PTPRD: variants seen among roughly 807,000 people sequenced by gnomAD.
The protein encoded by PTPRD is protein tyrosine phosphatase receptor type D.
A neutral mutation model predicts 214.5 loss-of-function variants in PTPRD; 34 were observed. The observed-to-expected ratio is 0.16, with a 90% confidence interval of 0.12 to 0.21. The LOEUF (loss-of-function observed/expected upper bound fraction) is 0.21. Ranked by LOEUF, PTPRD falls within the 10% of genes least tolerant of loss-of-function variation. The pLI is 1.00. For synonymous variants in PTPRD, 1,128 were observed against 845.7 expected (o/e 1.33, Z -5.79); for missense variants, 2,545 against 2,398.7 (o/e 1.06, Z -1.27).
chr9:10,024,361 T>G (rs1342581990), intron 4 of PTPRD, among the ~76,000 whole-genome samples: 1 of 152,164 alleles, frequency 6.6e-6, no homozygotes, highest in Non-Finnish European at 1.5e-5. Context: ...TTTGTTTTAT[T>G]GCTCAGTGTG....
At chr9:10,440,722 A>G (rs1189155900) in intron 2 of PTPRD, among the ~76,000 whole-genome samples, 7 of 151,794 alleles carry the variant, frequency 4.6e-5, no homozygotes, top group Admixed American at 3.9e-4. Flanking sequence ...ATAATAGCCA[A>G]TTGTAATAGA....
At chr9:8,713,861 G>A (rs1565492863) in intron 12 of PTPRD, 26 of 1,292,104 alleles carry the variant, frequency 2.0e-5, no homozygotes, top group Admixed American at 6.6e-5. Flanking sequence ...CCTCGCCCGG[G>A]TGCGCCCCAA....
At chr9:10,206,492 A>T (rs1012142592) in intron 3 of PTPRD, among the ~76,000 whole-genome samples, 4 of 152,196 alleles carry the variant, frequency 2.6e-5, no homozygotes, top group African/African-American at 9.6e-5. Context: ...TTAGAATAGG[A>T]AGAAAAGAAT....
chr9:10,425,678 A>G (rs1456410542), intron 2 of PTPRD, among the ~76,000 whole-genome samples: 1 of 152,000 alleles, frequency 6.6e-6, no homozygotes, highest in African/African-American at 2.4e-5. Flanking sequence ...TGTTCATCAG[A>G]TTTACATTTT....
intron 2 of PTPRD, among the ~76,000 whole-genome samples, chr9:10,360,949 A>C (rs1357392835): frequency 6.6e-6 from 1 of 152,038 alleles, no homozygotes; most frequent in Non-Finnish European, 1.5e-5. Flanking sequence ...AAAAATACAA[A>C]AAATTAGCCG....
At chr9:8,510,734 G>A (rs1033654949) in intron 21 of PTPRD, among the ~76,000 whole-genome samples, 6 of 152,028 alleles carry the variant, frequency 3.9e-5, no homozygotes, top group Non-Finnish European at 7.4e-5. Context: ...TGTACCTAAC[G>A]ATATCACTTC....
intron 3 of PTPRD, among the ~76,000 whole-genome samples, chr9:10,285,654 A>G (rs1167433264): frequency 8.0e-6 from 1 of 124,688 alleles, no homozygotes; most frequent in Non-Finnish European, 1.6e-5. Flanking sequence ...TCTGTCGCCC[A>G]GGCTGGAGGG....
intron 7 of PTPRD, among the ~76,000 whole-genome samples, chr9:9,667,754 G>T (rs1007167842): frequency 4.6e-5 from 7 of 152,110 alleles, no homozygotes; most frequent in Admixed American, 3.3e-4. Context: ...GTGGTGCTTG[G>T]CAGAAGGCAG....
At chr9:10,129,515 T>TC (rs1168261254) in intron 3 of PTPRD, among the ~76,000 whole-genome samples, 3 of 147,202 alleles carry the variant, frequency 2.0e-5, no homozygotes, top group Non-Finnish European at 4.5e-5. Flanking sequence ...TTTTTTTTTT[T>TC]TCTCACTTAT....
chr9:10,521,911 CT>C (rs1220759267), intron 2 of PTPRD, among the ~76,000 whole-genome samples: 1 of 152,054 alleles, frequency 6.6e-6, no homozygotes, highest in African/African-American at 2.4e-5. Flanking sequence ...GTACAATGTG[CT>C]TTTTTGCAAT....
At chr9:8,757,173 T>TTGAA (rs112632742) in intron 11 of PTPRD, among the ~76,000 whole-genome samples, 7,671 of 152,138 alleles carry the variant, frequency 0.05, 475 homozygotes, top group African/African-American at 0.15. Flanking sequence ...TAAATATTTA[T>TTGAA]TGTCAACTCT....
intron 14 of PTPRD, among the ~76,000 whole-genome samples, chr9:8,540,867 A>T (rs2078229269): frequency 6.6e-6 from 1 of 152,208 alleles, no homozygotes; most frequent in Non-Finnish European, 1.5e-5. Context: ...AGAGCATTTC[A>T]CTATTTTACC....
At chr9:8,907,533 AAT>A (rs1555505761) in intron 11 of PTPRD, among the ~76,000 whole-genome samples, 1,393 of 118,132 alleles carry the variant, frequency 0.012, 68 homozygotes, top group Admixed American at 0.052. Context: ...AAAAAAAAAA[AAT>A]ATATATATAT....
intron 9 of PTPRD, among the ~76,000 whole-genome samples, chr9:9,343,861 C>T (rs1444615506): frequency 1.3e-5 from 2 of 151,954 alleles, no homozygotes; most frequent in South Asian, 2.1e-4. Flanking sequence ...AATGTTATAT[C>T]CTGGGTGAAA....
intron 2 of PTPRD, among the ~76,000 whole-genome samples, chr9:10,508,083 G>A (rs1193748295): frequency 6.6e-6 from 1 of 152,154 alleles, no homozygotes. Context: ...AATCTACAAA[G>A]AACTCAAACA....
intron 3 of PTPRD, among the ~76,000 whole-genome samples, chr9:10,039,568 A>G (rs1466902604): frequency 6.6e-6 from 1 of 152,072 alleles, no homozygotes; most frequent in Non-Finnish European, 1.5e-5. Flanking sequence ...CATTTTCCTT[A>G]TATAAAGAAC....
At chr9:9,925,577 CTTTTTTCAGTACTTCTCAT>C (rs1325926630) in intron 5 of PTPRD, among the ~76,000 whole-genome samples, 4 of 151,404 alleles carry the variant, frequency 2.6e-5, no homozygotes, top group Non-Finnish European at 5.9e-5. Flanking sequence ...ATATAGTGGT[CTTTTTTCAGTACTTCTCAT>C]TTTTTTCAGC....
In PTPRD at chr9:8,733,811, G is replaced by C. The variant is rs369723222; in HGVS notation, c.33C>G (p.Leu11=). 1.3e-6 allele frequency: 2 copies of C among 1,552,878 alleles called. No individual in the cohort carries two copies. Among genetic ancestry groups the C allele is most frequent in the Admixed American group, 2.0e-5 (1 of 51,200 alleles). MVHVARLLLL[L]LTFFLRTDAE... ...CATCCGTGCGGAGGAAGAAAGTGAG[G>C]AGCAGCAGCAGCAGCCTGGCTACGT... Residue 11 remains leucine, a synonymous_variant, in exon 12 of 46, where the codon CTC becomes CTG. Transcript: ENST00000381196.
Position 8,641,771 on chromosome 9 carries a change from T to C in PTPRD, c.65-4927A>G, listed in dbSNP as rs559891402. Among the ~76,000 whole-genome samples the C allele has an allele frequency of 2.0e-4, 30 of 152,316 alleles. No homozygotes were observed. The South Asian group carries it at 6.2e-3, about 32-fold the overall frequency. On this transcript the variant is annotated intron_variant, in intron 12 of 45. Transcript: ENST00000381196. ...AGAGAAGCCACAAACTGCGCACTGA[T>C]TTTTGCTTTTAAGAAGTTAGATTGT...
Sources: gnomAD v4.1 joint callset for allele counts (sites outside exome capture counted in the v4.1 genomes callset) on GRCh38, gnomAD v4.1.1 for gene constraint, MANE v1.5 for transcripts, NCBI Gene and HGNC (gene_info 2026-07-23, HGNC 2026-07-21) for gene names.